Variants in SPATA13 observed in about 807,000 individuals in gnomAD.
SPATA13 encodes the protein spermatogenesis-associated protein 13.
Under a neutral mutation model 104.0 loss-of-function variants are expected in SPATA13, and 50 were observed. That is an observed-to-expected ratio of 0.48 (90% CI 0.38 to 0.61). The LOEUF (loss-of-function observed/expected upper bound fraction) is 0.61. Ranked by LOEUF, SPATA13 falls within the 20% of genes least tolerant of loss-of-function variation. The pLI is 0.00. For missense variants in SPATA13, 1,524 were observed against 1,690.6 expected, an observed-to-expected ratio of 0.90 and a Z score of 1.73; for synonymous variants, 606 against 667.5, an observed-to-expected ratio of 0.91 and a Z score of 1.42.
intron 3 of SPATA13, among the ~76,000 whole-genome samples, chr13:24,114,938 AG>A (rs1880785388): frequency 6.6e-6 from 1 of 152,144 alleles, no homozygotes; most frequent in African/African-American, 2.4e-5. Context: ...CCGGGATTAC[AG>A]GCATGAGCCA....
Position 24,241,203 on chromosome 13 carries a change from A to G in SPATA13, c.1654-8274A>G, listed in dbSNP as rs187169262. 2.1e-3 allele frequency among the ~76,000 whole-genome samples: 322 copies of G among 152,276 alleles called. 1 individual carries two copies. The highest frequency in any genetic ancestry group is 4.1e-3 in the Non-Finnish European group (278 of 68,020). On this transcript the variant is annotated intron_variant, in intron 2 of 12. Coordinates refer to ENST00000382108, the MANE Select transcript of SPATA13 (RefSeq NM_001166271.3). ...AGAGTGTAGCCCAGAGTTATTATTT[A>G]TTTTTACCTACAAGCCATAGAAAGA...
chr13:24,199,184 C>T (rs1040330730), intron 1 of SPATA13, among the ~76,000 whole-genome samples: 9 of 152,036 alleles, frequency 5.9e-5, no homozygotes, highest in Admixed American at 2.0e-4. Context: ...CCACTGCGCC[C>T]GCCAGAACCA....
chr13:24,139,448 C>A (rs1881680766), intron 3 of SPATA13, among the ~76,000 whole-genome samples: 1 of 151,992 alleles, frequency 6.6e-6, no homozygotes, highest in South Asian at 2.1e-4. Context: ...AAACCCACAC[C>A]AATTCTCCTC....
intron 1 of SPATA13, among the ~76,000 whole-genome samples, chr13:24,166,958 C>T (rs1248698554): frequency 6.6e-6 from 1 of 152,178 alleles, no homozygotes; most frequent in Admixed American, 6.5e-5. Flanking sequence ...ACATTCAGAC[C>T]GTAGCAGTTC....
intron 1 of SPATA13, among the ~76,000 whole-genome samples, chr13:24,187,860 C>T (rs2138536639): frequency 6.6e-6 from 1 of 152,250 alleles, no homozygotes; most frequent in East Asian, 1.9e-4. Flanking sequence ...AATAACTCTA[C>T]AATAACCTCT....
intron 3 of SPATA13, among the ~76,000 whole-genome samples, chr13:24,149,036 G>A (rs969359845): frequency 6.6e-6 from 1 of 152,186 alleles, no homozygotes; most frequent in Non-Finnish European, 1.5e-5. Flanking sequence ...AGGAGAATGA[G>A]GATTTGAATG....
intron 1 of SPATA13, among the ~76,000 whole-genome samples, chr13:24,165,204 G>A (rs1446917789): frequency 6.6e-6 from 1 of 152,162 alleles, no homozygotes; most frequent in Non-Finnish European, 1.5e-5. Flanking sequence ...AAGCGGGACT[G>A]CCCTAGTCTT....
chr13:24,103,473 A>C, intron 3 of SPATA13, among the ~76,000 whole-genome samples: 1 of 114,988 alleles, frequency 8.7e-6, no homozygotes, highest in Admixed American at 1.0e-4. Flanking sequence ...CAACAGAGCA[A>C]GACCCTGTCT....
intron 3 of SPATA13, among the ~76,000 whole-genome samples, chr13:24,072,688 AC>A (rs1879206767): frequency 6.6e-6 from 1 of 152,028 alleles, no homozygotes; most frequent in South Asian, 2.1e-4. Context: ...TGCTTGCCAA[AC>A]CAGAGATGAT....
Position 23,983,402 on chromosome 13 carries a change from A to G in SPATA13, c.-353-325A>G, listed in dbSNP as rs563472184. Among the ~76,000 whole-genome samples, 3 of 152,302 alleles carry G rather than the reference A, an allele frequency of 2.0e-5. No individual in the cohort carries two copies. The East Asian group carries it at 5.8e-4, about 29-fold the overall frequency. On this transcript the variant is annotated intron_variant, in intron 1 of 14. Coordinates refer to the SPATA13 transcript ENST00000424834. ...ACCTCATTATACCTCAATTACCGCT[A>G]TGAAGGCCCTATCTCCAAACACAGT... is the stretch of plus-strand genomic sequence containing the variant.
At chr13:24,302,499 GAGAACTTGGACT>G in intron 12 of SPATA13, 87 bp from the exon 13 acceptor site, 1 of 456,484 alleles carries the variant, frequency 2.2e-6, no homozygotes, top group South Asian at 3.3e-5. Flanking sequence ...AGAATTAGCT[GAGAACTTGGACT>G]TGGAGTCTCA....
chr13:23,992,966 C>A (rs971928309), intron 2 of SPATA13, among the ~76,000 whole-genome samples: 4 of 152,230 alleles, frequency 2.6e-5, no homozygotes, highest in South Asian at 2.1e-4. Context: ...TTCCATCAAG[C>A]CAGCTGTGCC....
upstream of SPATA13, among the ~76,000 whole-genome samples, chr13:24,158,839 G>A (rs746962755): frequency 4.6e-5 from 7 of 152,246 alleles, no homozygotes; most frequent in Admixed American, 6.5e-5. Context: ...TCCAGCACTC[G>A]CCCAGGGCTT....
rs78519490 is a variant in SPATA13 at position 24,006,781 on chromosome 13, A to G, written c.-146-10886A>G. Among the ~76,000 whole-genome samples, 438 of 152,306 alleles carry G rather than the reference A, an allele frequency of 2.9e-3. 11 individuals carry two copies. The East Asian group carries it at 0.062, about 22-fold the overall frequency. ...CAGCCCAAGCTCCTGGTGCCCTTGC[A>G]TTCATGTGCCAGCTTCTGACAAGGG... is the stretch of plus-strand genomic sequence containing the variant. On this transcript the variant is annotated intron_variant, in intron 2 of 14. Transcript: ENST00000424834.
At chr13:24,012,068 A>T (rs1876493095) in intron 2 of SPATA13, among the ~76,000 whole-genome samples, 1 of 152,214 alleles carries the variant, frequency 6.6e-6, no homozygotes, top group Non-Finnish European at 1.5e-5. Flanking sequence ...ATTGTGTCTG[A>T]CCATGGGCCC....
At position 24,270,547 on chromosome 13, in the gene SPATA13, G is replaced by A. The variant is rs150711978; in HGVS notation, c.2165-13588G>A. 9.8e-4 allele frequency: 427 copies of A among 434,496 alleles called. 2 individuals are homozygous for A. The highest frequency in any genetic ancestry group is 7.5e-3 in the African/African-American group (388 of 51,648). The allele number at this position is 434,496 out of a possible 1,614,324, so 26.9% of individuals were successfully genotyped here. On this transcript the variant is annotated intron_variant, in intron 4 of 12. Transcript: ENST00000382108. ...TCTCCTACCTTCACTGAAGGCTCTCGGCAGCACCTGATGGCTTGTGAGTGT... is the reference window on the plus strand; with the variant it reads ...TCTCCTACCTTCACTGAAGGCTCTCAGCAGCACCTGATGGCTTGTGAGTGT...
intron 4 of SPATA13, among the ~76,000 whole-genome samples, chr13:24,259,608 G>A (rs1286429622): frequency 6.6e-6 from 1 of 152,090 alleles, no homozygotes; most frequent in African/African-American, 2.4e-5. Context: ...ACTTATTTAT[G>A]TATTTATTTA....
At chr13:24,015,204 T>C (rs1876655494) in intron 2 of SPATA13, among the ~76,000 whole-genome samples, 2 of 152,194 alleles carry the variant, frequency 1.3e-5, no homozygotes, top group African/African-American at 4.8e-5. Flanking sequence ...TGGATTTTTA[T>C]AGTAAACAAT....
At chr13:24,266,521 G>A (rs1874302640) in intron 4 of SPATA13, among the ~76,000 whole-genome samples, 1 of 152,178 alleles carries the variant, frequency 6.6e-6, no homozygotes, top group Non-Finnish European at 1.5e-5. Flanking sequence ...CTAGCCTCAA[G>A]TGATCCTCCC....
Sources: gnomAD v4.1 joint callset for allele counts (sites outside exome capture counted in the v4.1 genomes callset) on GRCh38, gnomAD v4.1.1 for gene constraint, MANE v1.5 for transcripts, NCBI Gene and HGNC (gene_info 2026-07-23, HGNC 2026-07-21) for gene names.